CTNNA1: variants seen among roughly 807,000 people sequenced by gnomAD.
The protein encoded by CTNNA1 is catenin alpha-1.
CTNNA1 carries 37 observed loss-of-function variants against 98.4 expected under a neutral mutation model. The ratio of observed to expected loss-of-function variants is 0.38; its 90% CI spans 0.29 to 0.49. The LOEUF is 0.49. CTNNA1 is among the 20% of genes least tolerant of loss of function. The pLI, the probability that CTNNA1 is intolerant of heterozygous loss-of-function variation, is 0.95. For synonymous variants in CTNNA1, 404 were observed against 413.2 expected (o/e 0.98, Z 0.27); for missense variants, 761 against 1,147.2 (o/e 0.66, Z 4.86).
At chr5:138,922,672 C>A (rs57170119) in intron 11 of CTNNA1, among the ~76,000 whole-genome samples, 4,465 of 152,210 alleles carry the variant, frequency 0.029, 216 homozygotes, top group African/African-American at 0.1. Flanking sequence ...AGCCTGTCCC[C>A]CTCTGTTGAA....
In CTNNA1 at chr5:138,783,528, A is replaced by G. The variant is rs189506134; in HGVS notation, c.301+156A>G. Among the ~76,000 whole-genome samples, 13 of 152,258 alleles carry G rather than the reference A, an allele frequency of 8.5e-5. No homozygotes were observed. In the East Asian group the frequency reaches 2.5e-3, roughly 29 times the overall value. On this transcript the variant is annotated intron_variant, in intron 3 of 17. Coordinates refer to ENST00000302763, the MANE Select transcript of CTNNA1 (RefSeq NM_001903.5). ...GAGATGTATTAAGTTGGACTGGCTC[A>G]TATTTTAATTCTCATTCTTATGCTT...
intron 3 of CTNNA1, among the ~76,000 whole-genome samples, chr5:138,786,353 A>G (rs1179828412): frequency 6.6e-6 from 1 of 152,242 alleles, no homozygotes; most frequent in Non-Finnish European, 1.5e-5. Context: ...AACAAAATAC[A>G]TATTACAAAA....
In CTNNA1 at chr5:138,874,019, C is replaced by T; in HGVS notation, c.1063-12193C>T. On this transcript the variant is annotated intron_variant, in intron 7 of 17. Transcript: ENST00000302763. This position sits in a 1 kb window ranked among gnomAD's most constrained non-coding sequence, Gnocchi z 4.1. ...GCTCAAATCCAGAAACTCCAGACTACGACAGTCCCAGAACAGGCGTACTGG... is the reference window on the plus strand; with the variant it reads ...GCTCAAATCCAGAAACTCCAGACTATGACAGTCCCAGAACAGGCGTACTGG... 3 of 1,614,002 alleles carry T rather than the reference C, an allele frequency of 1.9e-6. No homozygotes were observed. Among genetic ancestry groups the T allele is most frequent in the East Asian group, 2.2e-5 (1 of 44,886 alleles).
chr5:138,786,764 A>T (rs1284612871), intron 3 of CTNNA1, among the ~76,000 whole-genome samples: 23 of 152,176 alleles, frequency 1.5e-4, no homozygotes, highest in Admixed American at 1.5e-3. Context: ...TAGGAAGCAG[A>T]TCCTCCACCT....
intron 5 of CTNNA1, among the ~76,000 whole-genome samples, chr5:138,820,142 G>A (rs1759884050): frequency 6.6e-6 from 1 of 150,904 alleles, no homozygotes; most frequent in South Asian, 2.1e-4. Flanking sequence ...GGCTAATACA[G>A]GGAGAGAAGA....
chr5:138,925,168 C>CT, intron 12 of CTNNA1, 88 bp from the exon 13 acceptor site: 1 of 1,453,632 alleles, frequency 6.9e-7, no homozygotes, highest in Non-Finnish European at 9.4e-7. Flanking sequence ...AGCCTCACCT[C>CT]TTTCTGTCTA....
At chr5:138,887,795 G>T in intron 9 of CTNNA1, 153 bp downstream of exon 9, 1 of 618,850 alleles carries the variant, frequency 1.6e-6, no homozygotes, top group Non-Finnish European at 2.7e-6. Context: ...TAACATCTAA[G>T]GAAAACTACC....
chr5:138,819,865 GTGAGT>G (rs1759845138), intron 5 of CTNNA1, among the ~76,000 whole-genome samples: 2 of 124,602 alleles, frequency 1.6e-5, no homozygotes, highest in Admixed American at 8.2e-5. Flanking sequence ...GGGCGGGGGG[GTGAGT>G]GGGGGGATTT....
chr5:138,786,467 A>AT (rs1488642824), intron 3 of CTNNA1, among the ~76,000 whole-genome samples: 1 of 152,126 alleles, frequency 6.6e-6, no homozygotes, highest in Non-Finnish European at 1.5e-5. Flanking sequence ...AGGTCTGCAG[A>AT]TTCTTTGGAC....
intron 1 of CTNNA1, among the ~76,000 whole-genome samples, chr5:138,773,828 C>T (rs1753807089): frequency 6.6e-6 from 1 of 151,882 alleles, no homozygotes; most frequent in Non-Finnish European, 1.5e-5. Context: ...CCTCCTGCCT[C>T]AGCCTCCTGA....
intron 3 of CTNNA1, among the ~76,000 whole-genome samples, chr5:138,807,253 C>T (rs1020658936): frequency 2.6e-5 from 4 of 151,878 alleles, no homozygotes; most frequent in South Asian, 2.1e-4. Context: ...AGTGATCCAC[C>T]GGTCTCAGCC....
chr5:138,881,195 T>C, intron 7 of CTNNA1: 1 of 447,950 alleles, frequency 2.2e-6, no homozygotes, highest in South Asian at 1.6e-5. Flanking sequence ...TCTGTGTATG[T>C]CTGCAGTGTC....
chr5:138,754,606 G>C (rs1041120288), intron 1 of CTNNA1: 1 of 152,170 alleles, frequency 6.6e-6, no homozygotes, highest in African/African-American at 2.4e-5. Context: ...AGTCAGCAGT[G>C]ATTTTTAAAT....
In CTNNA1 at chr5:138,824,739, T is replaced by C. The variant is rs753315633; in HGVS notation, c.798T>C (p.Asp266=). The C allele has an allele frequency of 3.7e-6, 6 of 1,614,168 alleles. No homozygotes were observed. The highest frequency in any genetic ancestry group is 5.1e-6 in the Non-Finnish European group (6 of 1,180,030). ...CAGCCCAGGCCACTGCCTCAGACGATGCCTCACAGCACCAGGGTGGAGGAG... is the reference window on the plus strand; with the variant it reads ...CAGCCCAGGCCACTGCCTCAGACGACGCCTCACAGCACCAGGGTGGAGGAG... The part of the protein sequence containing the change: ...SNAAQATASD[D]ASQHQGGGGG... Residue 266 remains aspartate (D), a synonymous_variant, in exon 6 of 18, where the codon GAT becomes GAC. Transcript: ENST00000302763.
At chr5:138,829,517 T>C (rs1404294822) in intron 7 of CTNNA1, among the ~76,000 whole-genome samples, 1 of 152,170 alleles carries the variant, frequency 6.6e-6, no homozygotes. Context: ...CTATAAGATA[T>C]CCCTTGAGTC....
chr5:138,789,490 C>A (rs1276306217), intron 3 of CTNNA1, among the ~76,000 whole-genome samples: 1 of 152,078 alleles, frequency 6.6e-6, no homozygotes, highest in Non-Finnish European at 1.5e-5. Context: ...TGGAGTCTTG[C>A]TCTGTCGTCC....
chr5:138,802,118 C>T (rs1438752899), intron 3 of CTNNA1, among the ~76,000 whole-genome samples: 12 of 152,180 alleles, frequency 7.9e-5, no homozygotes, highest in African/African-American at 2.2e-4. Context: ...AAAAGATGCT[C>T]ATTCTGCACC....
chr5:138,808,479 T>C (rs1758335567), intron 3 of CTNNA1, among the ~76,000 whole-genome samples: 1 of 152,196 alleles, frequency 6.6e-6, no homozygotes, highest in South Asian at 2.1e-4. Context: ...GGAAAACCTT[T>C]TAACTATATA....
chr5:138,904,288 G>A, intron 9 of CTNNA1, 61 bp from the exon 10 acceptor site: 2 of 1,550,340 alleles, frequency 1.3e-6, no homozygotes, highest in Non-Finnish European at 1.7e-6. Flanking sequence ...GGCCAGGTGT[G>A]TGTTTTTTCC....
Sources: gnomAD v4.1 joint callset for allele counts (sites outside exome capture counted in the v4.1 genomes callset) on GRCh38, gnomAD v4.1.1 for gene constraint, Gnocchi (gnomAD v3.1) non-coding constraint, MANE v1.5 for transcripts, NCBI Gene and HGNC (gene_info 2026-07-23, HGNC 2026-07-21) for gene names.